KCNB2: variants seen among roughly 807,000 people sequenced by gnomAD.
The protein encoded by KCNB2 is potassium voltage-gated channel subfamily B member 2, also known as delayed rectifier potassium channel protein.
In KCNB2, 15 loss-of-function variants were observed where a neutral mutation model predicts 61.5. The observed-to-expected ratio is 0.24, with a 90% CI of 0.16 to 0.38. KCNB2 has a LOEUF of 0.38. KCNB2 is among the 10% of genes least tolerant of loss of function. The pLI is 1.00. For synonymous variants in KCNB2, 457 were observed against 446.0 expected (o/e 1.02, Z -0.31); for missense variants, 828 against 1,125.2 (o/e 0.74, Z 3.78).
At chr8:72,883,513 A>G (rs1354435246) in intron 2 of KCNB2, among the ~76,000 whole-genome samples, 1 of 152,336 alleles carries the variant, frequency 6.6e-6, no homozygotes, top group South Asian at 2.1e-4. Context: ...TTCCAGATCT[A>G]TAGAAGAGAA....
rs367617212 is a variant in KCNB2 at position 72,642,356 on chromosome 8, CTG to C, written c.579+74045_579+74046del. On this transcript the variant is annotated intron_variant, in intron 2 of 2. Transcript: ENST00000523207. ...TTGTTTTTACTTTTTAAAAAGATGA[CTG>C]TTAGAAAATTTAAAATGGCATATGT... Among the ~76,000 whole-genome samples, 301 of 152,092 alleles carry C rather than the reference CTG, an allele frequency of 2.0e-3. 1 individual carries two copies. Among genetic ancestry groups the C allele is most frequent in the African/African-American group, 6.9e-3 (286 of 41,504 alleles).
intron 2 of KCNB2, among the ~76,000 whole-genome samples, chr8:72,617,275 C>G (rs1292770007): frequency 1.3e-5 from 2 of 152,074 alleles, no homozygotes; most frequent in African/African-American, 4.8e-5. Flanking sequence ...GGTGTCTGAG[C>G]AGTATTTTGG....
chr8:72,840,188 G>C (rs1218802135), intron 2 of KCNB2, among the ~76,000 whole-genome samples: 2 of 151,938 alleles, frequency 1.3e-5, no homozygotes, highest in Non-Finnish European at 2.9e-5. Flanking sequence ...GTGTTACTTT[G>C]CTGAGAACGA....
Position 72,678,139 on chromosome 8 carries a change from G to A in KCNB2, c.579+109826G>A, listed in dbSNP as rs191626250. ...CCTCCTTTTTGTAATACCCCACATC[G>A]ATTATATGAGAAAATAACATATAAC... On this transcript the variant is annotated intron_variant, in intron 2 of 2. Transcript: ENST00000523207. 1.5e-3 allele frequency among the ~76,000 whole-genome samples: 223 copies of A among 152,118 alleles called. 1 individual carries two copies. The highest frequency in any genetic ancestry group is 4.8e-3 in the African/African-American group (201 of 41,462).
chr8:72,830,589 G>T (rs1809678349), intron 2 of KCNB2, among the ~76,000 whole-genome samples: 1 of 152,114 alleles, frequency 6.6e-6, no homozygotes, highest in Non-Finnish European at 1.5e-5. Flanking sequence ...CATAGTGCAT[G>T]GTAACATTCC....
At chr8:72,695,642 A>C (rs997309909) in intron 2 of KCNB2, among the ~76,000 whole-genome samples, 2 of 152,210 alleles carry the variant, frequency 1.3e-5, no homozygotes, top group Non-Finnish European at 2.9e-5. Context: ...TTTAAACGAT[A>C]AAGGTAGAGC....
At chr8:72,840,990 C>T (rs1412819203) in intron 2 of KCNB2, among the ~76,000 whole-genome samples, 5 of 152,152 alleles carry the variant, frequency 3.3e-5, no homozygotes, top group African/African-American at 9.7e-5. Flanking sequence ...TGCCTATGTC[C>T]TGAATGGTAT....
chr8:72,782,830 A>T (rs1808784816), intron 2 of KCNB2, among the ~76,000 whole-genome samples: 1 of 152,172 alleles, frequency 6.6e-6, no homozygotes, highest in African/African-American at 2.4e-5. Context: ...TTTAACTATT[A>T]AGTTTTTCTC....
intron 2 of KCNB2, among the ~76,000 whole-genome samples, chr8:72,596,978 ATGCT>A (rs1168366310): frequency 0.019 from 2,463 of 131,040 alleles, 43 homozygotes; most frequent in South Asian, 0.042. Flanking sequence ...GCCAACCAGC[ATGCT>A]TGCTTGCTTG....
chr8:72,895,903 G>A (rs991152763), intron 2 of KCNB2, among the ~76,000 whole-genome samples: 2 of 152,114 alleles, frequency 1.3e-5, no homozygotes, highest in African/African-American at 4.8e-5. Context: ...TAATTAATAT[G>A]ACTACTGATT....
At chr8:72,839,808 T>C (rs1223738847) in intron 2 of KCNB2, among the ~76,000 whole-genome samples, 1 of 151,794 alleles carries the variant, frequency 6.6e-6, no homozygotes, top group Non-Finnish European at 1.5e-5. Context: ...AGAGACGGGG[T>C]TTCACCGTGT....
At chr8:72,695,206 A>G (rs1585835087) in intron 2 of KCNB2, among the ~76,000 whole-genome samples, 1 of 152,188 alleles carries the variant, frequency 6.6e-6, no homozygotes, top group East Asian at 1.9e-4. Flanking sequence ...GATATAAATA[A>G]CTATCAACCT....
intron 2 of KCNB2, among the ~76,000 whole-genome samples, chr8:72,764,431 A>T (rs1808431574): frequency 6.6e-6 from 1 of 152,146 alleles, no homozygotes. Flanking sequence ...GGGTTGGAAG[A>T]GCTGAAAGAG....
chr8:72,729,337 C>T (rs1807702711), intron 2 of KCNB2, among the ~76,000 whole-genome samples: 1 of 152,086 alleles, frequency 6.6e-6, no homozygotes, highest in African/African-American at 2.4e-5. Flanking sequence ...GCTTCTGCTC[C>T]AGCATTTTGG....
chr8:72,741,873 A>G (rs1001869348), intron 2 of KCNB2, among the ~76,000 whole-genome samples: 1 of 152,224 alleles, frequency 6.6e-6, no homozygotes, highest in African/African-American at 2.4e-5. Context: ...AAAAGGGAAC[A>G]CTTTCTACAC....
chr8:72,577,606 A>G (rs1806818848), intron 2 of KCNB2, among the ~76,000 whole-genome samples: 1 of 152,200 alleles, frequency 6.6e-6, no homozygotes, highest in South Asian at 2.1e-4. Context: ...ATTTTGTTTC[A>G]GGATGCTAGA....
chr8:72,595,305 A>C (rs1035798260), intron 2 of KCNB2, among the ~76,000 whole-genome samples: 3 of 148,694 alleles, frequency 2.0e-5, no homozygotes, highest in East Asian at 3.9e-4. Flanking sequence ...ATCCTTGCTA[A>C]TTTCTTTTTT....
intron 2 of KCNB2, among the ~76,000 whole-genome samples, chr8:72,747,256 A>T (rs1249579243): frequency 6.6e-6 from 1 of 152,162 alleles, no homozygotes; most frequent in Non-Finnish European, 1.5e-5. Context: ...AGTACTGGCT[A>T]GTTTGAATAA....
intron 2 of KCNB2, among the ~76,000 whole-genome samples, chr8:72,826,956 T>C (rs575324149): frequency 4.1e-4 from 62 of 152,354 alleles, no homozygotes; most frequent in African/African-American, 1.4e-3. Context: ...GCCATATTTG[T>C]TTTAATTTGA....
Sources: gnomAD v4.1 joint callset for allele counts (sites outside exome capture counted in the v4.1 genomes callset) on GRCh38, gnomAD v4.1.1 for gene constraint, MANE v1.5 for transcripts, NCBI Gene and HGNC (gene_info 2026-07-23, HGNC 2026-07-21) for gene names.